CFAP70: variants seen among roughly 807,000 people sequenced by gnomAD.
CFAP70 encodes the protein cilia and flagella associated protein 70, also known as cilia- and flagella-associated protein 70.
A neutral mutation model predicts 137.6 loss-of-function variants in CFAP70; 81 were observed. That is an observed-to-expected ratio of 0.59 (90% CI 0.49 to 0.71). The LOEUF is 0.71. Ranked by LOEUF, CFAP70 falls within the 30% of genes least tolerant of loss-of-function variation. The probability of loss-of-function intolerance (pLI) is 0.00; values close to 1 mark genes in which losing one functional copy is unlikely to be tolerated. For synonymous variants in CFAP70, 382 were observed against 423.6 expected (o/e 0.90, Z 1.20); for missense variants, 976 against 1,226.7 (o/e 0.80, Z 3.05).
chr10:73,350,831 G>C (rs2054133141), intron 3 of CFAP70, among the ~76,000 whole-genome samples: 1 of 151,790 alleles, frequency 6.6e-6, no homozygotes, highest in Admixed American at 6.6e-5. Flanking sequence ...TGCGCTCTCA[G>C]CTCACTGCAA....
At chr10:73,273,269 T>C (rs767978720) in intron 23 of CFAP70, among the ~76,000 whole-genome samples, 5 of 152,230 alleles carry the variant, frequency 3.3e-5, no homozygotes, top group Non-Finnish European at 7.3e-5. Flanking sequence ...CTGTAAGAGT[T>C]GAGGCAAGGA....
intron 19 of CFAP70, 74 bp downstream of exon 20, chr10:73,291,152 C>A: frequency 7.3e-7 from 1 of 1,363,470 alleles, no homozygotes; most frequent in African/African-American, 1.4e-5. Flanking sequence ...GTTGCTAGGA[C>A]TACAGGTGTG....
chr10:73,295,800 C>A (rs1457458974), intron 15 of CFAP70: 2 of 152,114 alleles, frequency 1.3e-5, no homozygotes, highest in African/African-American at 4.8e-5. Flanking sequence ...GCTCTCTTCT[C>A]TCTTATGTTT....
chr10:73,275,520 G>C lies in CFAP70; in HGVS notation c.2599C>G (p.Gln867Glu). 1 of 1,611,816 alleles carries C rather than the reference G, an allele frequency of 6.2e-7. No individual in the cohort carries two copies. The highest frequency in any genetic ancestry group is 8.5e-7 in the Non-Finnish European group (1 of 1,179,222). ...AAGTTCTTCTTAAGAATGTGTGTTTGGGCCAGCACCAAGTAATATTCACAG... is the reference window on the plus strand; with the variant it reads ...AAGTTCTTCTTAAGAATGTGTGTTTCGGCCAGCACCAAGTAATATTCACAG... Residue 867 changes from glutamine to glutamate, a missense_variant, in exon 22 of 27, where the codon CAA becomes GAA. Coordinates refer to ENST00000310715, the Ensembl canonical transcript of CFAP70. The surrounding 1 kb of genome is among the most constrained non-coding windows in gnomAD (Gnocchi z 4.0).
Position 73,308,427 on chromosome 10 carries a change from G to A in CFAP70, c.1256+1731C>T, listed in dbSNP as rs149557899. On this transcript the variant is annotated intron_variant, in intron 12 of 26. Coordinates refer to ENST00000310715, the Ensembl canonical transcript of CFAP70. ...GCAGATCACCTGAGGTCAGGAGTTC[G>A]AGACCAGCCTGAGCAACATGGAGAA... 9.9e-5 allele frequency among the ~76,000 whole-genome samples: 15 copies of A among 151,988 alleles called. No homozygotes were observed. In the East Asian group the frequency reaches 2.7e-3, roughly 28 times the overall value.
At chr10:73,268,357 T>C (rs1338339842) in intron 25 of CFAP70, among the ~76,000 whole-genome samples, 3 of 152,246 alleles carry the variant, frequency 2.0e-5, no homozygotes, top group Admixed American at 6.5e-5. Context: ...TATGTATTTG[T>C]TGAACCCCTC....
intron 8 of CFAP70, among the ~76,000 whole-genome samples, chr10:73,327,032 C>A (rs1322956855): frequency 3.3e-5 from 5 of 151,054 alleles, no homozygotes; most frequent in African/African-American, 1.2e-4. Flanking sequence ...GAGACACAAC[C>A]AAAAAAGATA....
rs1490727931 is a variant in CFAP70 at position 73,331,297 on chromosome 10, C to T, written c.678-21G>A. 4 of 1,591,916 alleles carry T rather than the reference C, an allele frequency of 2.5e-6. No individual in the cohort carries two copies. The South Asian group carries it at 4.5e-5, about 18-fold the overall frequency. ...GAAAACTGCAAATCAAGAATCAGTCCATTAGCATTATATGCAAAAATAAAG... is the reference window on the plus strand; with the variant it reads ...GAAAACTGCAAATCAAGAATCAGTCTATTAGCATTATATGCAAAAATAAAG... On this transcript the variant is annotated intron_variant, in intron 7 of 26. Transcript: ENST00000310715.
chr10:73,303,240 T>G (rs2049102370), intron 12 of CFAP70, among the ~76,000 whole-genome samples: 2 of 151,154 alleles, frequency 1.3e-5, no homozygotes, highest in African/African-American at 4.9e-5. Context: ...TGTTTTGAGA[T>G]GGAGTCTCAC....
At chr10:73,316,000 A>G (rs1658253908) in intron 9 of CFAP70, among the ~76,000 whole-genome samples, 1 of 152,200 alleles carries the variant, frequency 6.6e-6, no homozygotes, top group South Asian at 2.1e-4. Context: ...ATTGTGTTGT[A>G]CTGTTAAGTG....
chr10:73,286,010 T>C (rs530996243), intron 19 of CFAP70, among the ~76,000 whole-genome samples: 7 of 152,268 alleles, frequency 4.6e-5, no homozygotes, highest in East Asian at 1.9e-4. Context: ...AACTTTACTT[T>C]TGATTGACTC....
rs1280572589 is a variant in CFAP70 at position 73,275,849 on chromosome 10, T to A, written c.2521-251A>T. The A allele has an allele frequency of 3.3e-6, 1 of 306,486 alleles. No homozygotes were observed. The highest frequency in any genetic ancestry group is 2.2e-5 in the African/African-American group (1 of 45,632). The allele number at this position is 306,486 out of a possible 1,614,324, so 19.0% of individuals were successfully genotyped here. On this transcript the variant is annotated intron_variant, in intron 21 of 26. Coordinates refer to ENST00000310715, the Ensembl canonical transcript of CFAP70. This position sits in a 1 kb window ranked among gnomAD's most constrained non-coding sequence, Gnocchi z 4.0. ...CTTGCAATATTGTACAATTCTGGTC[T>A]TGCTGGTCATCATACTAGGTGAGTG... is the stretch of plus-strand genomic sequence containing the variant.
chr10:73,269,617 C>T (rs1213700396), exon 25 of CFAP70: 5 of 1,611,110 alleles, frequency 3.1e-6, no homozygotes, highest in Non-Finnish European at 1.7e-6. Flanking sequence ...CACTCACTTT[C>T]AGGCAGACCA....
intron 12 of CFAP70, among the ~76,000 whole-genome samples, chr10:73,300,214 C>T (rs558213439): frequency 6.6e-6 from 1 of 152,238 alleles, no homozygotes; most frequent in African/African-American, 2.4e-5. Flanking sequence ...TTGTCAATGT[C>T]AAACTACTTA....
At chr10:73,344,045 C>T (rs1028213814) in intron 5 of CFAP70, among the ~76,000 whole-genome samples, 4 of 152,178 alleles carry the variant, frequency 2.6e-5, no homozygotes, top group Middle Eastern at 3.4e-3. Flanking sequence ...TCACTGCAAC[C>T]TCTGCCTCCC....
chr10:73,282,741 A>G (rs537120935), intron 19 of CFAP70, among the ~76,000 whole-genome samples: 2 of 151,174 alleles, frequency 1.3e-5, no homozygotes, highest in South Asian at 4.2e-4. Flanking sequence ...CAAATTTTCA[A>G]ATTTCCCTGT....
intron 3 of CFAP70, among the ~76,000 whole-genome samples, chr10:73,350,340 T>C (rs1327645638): frequency 1.4e-5 from 2 of 139,004 alleles, no homozygotes; most frequent in Non-Finnish European, 3.0e-5. Flanking sequence ...TCTGTGACCT[T>C]TGTAACCTGA....
chr10:73,299,147 A>C (rs764156585), intron 13 of CFAP70, 46 bp from the exon 15 acceptor site: 1 of 1,409,734 alleles, frequency 7.1e-7, no homozygotes, highest in East Asian at 2.3e-5. Context: ...AGAGGTCAAG[A>C]GCATGGATTG....
chr10:73,299,614 T>G, exon 13 of CFAP70: 10 of 1,613,108 alleles, frequency 6.2e-6, no homozygotes, highest in Non-Finnish European at 8.5e-6. Flanking sequence ...CCTTCTGAGC[T>G]CCTCCTGTCC....
Sources: allele counts gnomAD v4.1 joint callset (sites outside exome capture counted in the v4.1 genomes callset), GRCh38; gene constraint gnomAD v4.1.1; non-coding constraint Gnocchi (gnomAD v3.1); transcripts MANE v1.5; gene names NCBI Gene and HGNC (gene_info 2026-07-23, HGNC 2026-07-21).